Variants in ST7 observed in about 807,000 individuals in gnomAD.
ST7 encodes suppression of tumorigenicity 7.
ST7 carries 28 observed loss-of-function variants against 78.7 expected under a neutral mutation model. The observed-to-expected ratio is 0.36, with a 90% CI of 0.26 to 0.49. ST7 has a LOEUF of 0.49. Ranked by LOEUF, ST7 falls within the 20% of genes least tolerant of loss-of-function variation. The pLI, the probability that ST7 is intolerant of heterozygous loss-of-function variation, is 0.99. For missense variants in ST7, 418 were observed against 696.0 expected, an observed-to-expected ratio of 0.60 and a Z score of 4.49; for synonymous variants, 247 against 249.6, an observed-to-expected ratio of 0.99 and a Z score of 0.10.
intron 1 of ST7, among the ~76,000 whole-genome samples, chr7:117,051,512 A>G (rs993537263): frequency 2.0e-5 from 3 of 152,200 alleles, no homozygotes; most frequent in East Asian, 1.9e-4. Context: ...GCTCATATCC[A>G]TGGTGTGGAA....
intron 1 of ST7, among the ~76,000 whole-genome samples, chr7:117,008,601 C>T (rs1795252101): frequency 3.3e-5 from 5 of 152,148 alleles, no homozygotes; most frequent in Admixed American, 2.0e-4. Context: ...GCATTTATCA[C>T]CAGTTCTAAT....
At chr7:117,038,022 T>A (rs1796991053) in intron 1 of ST7, among the ~76,000 whole-genome samples, 1 of 152,218 alleles carries the variant, frequency 6.6e-6, no homozygotes, top group African/African-American at 2.4e-5. Context: ...GGTAGATGTT[T>A]GACAATAAAA....
chr7:117,017,236 C>T (rs987589906), intron 1 of ST7, among the ~76,000 whole-genome samples: 5 of 152,142 alleles, frequency 3.3e-5, no homozygotes, highest in South Asian at 2.1e-4. Context: ...TCACTTGACA[C>T]GTCACGTGTT....
intron 1 of ST7, among the ~76,000 whole-genome samples, chr7:117,079,539 C>T (rs1372313409): frequency 2.0e-5 from 3 of 152,132 alleles, no homozygotes; most frequent in South Asian, 2.1e-4. Context: ...GGAGGATTTT[C>T]TTCTTGATGT....
intron 9 of ST7, among the ~76,000 whole-genome samples, chr7:117,149,878 C>T (rs962469326): frequency 1.3e-5 from 2 of 151,972 alleles, no homozygotes; most frequent in African/African-American, 4.8e-5. Context: ...TTGTGGTTGC[C>T]CGGGCAACTG....
chr7:117,001,091 G>T (rs1007611299), intron 1 of ST7, among the ~76,000 whole-genome samples: 5 of 152,134 alleles, frequency 3.3e-5, no homozygotes, highest in African/African-American at 7.2e-5. Context: ...TTTGTTTTGA[G>T]CAGCAGCAGT....
At chr7:116,967,466 A>G (rs1375883223) in intron 1 of ST7, 1 of 468,820 alleles carries the variant, frequency 2.1e-6, no homozygotes, top group South Asian at 1.6e-5. Context: ...TCAGTGTCCC[A>G]GAGGCAGGTC....
At chr7:117,113,755 T>C (rs1287863423) in intron 2 of ST7, among the ~76,000 whole-genome samples, 1 of 152,156 alleles carries the variant, frequency 6.6e-6, no homozygotes, top group East Asian at 1.9e-4. Context: ...ATCTGGGAGC[T>C]TGTTTAAAAT....
At chr7:116,990,693 C>T (rs1361603405) in intron 1 of ST7, among the ~76,000 whole-genome samples, 6 of 152,026 alleles carry the variant, frequency 3.9e-5, no homozygotes, top group Non-Finnish European at 8.8e-5. Context: ...TTTCCATGAC[C>T]CTTTAAAATT....
At chr7:117,132,937 A>G (rs1804485121) in intron 6 of ST7, among the ~76,000 whole-genome samples, 1 of 151,876 alleles carries the variant, frequency 6.6e-6, no homozygotes, top group Non-Finnish European at 1.5e-5. Context: ...TGTTCACTCA[A>G]TTACTAAGCC....
intron 1 of ST7, chr7:116,958,638 G>C (rs913592012): frequency 2.1e-6 from 1 of 471,042 alleles, no homozygotes; most frequent in African/African-American, 2.0e-5. Context: ...GAAAAGACAG[G>C]CTTACCTTGG....
At chr7:117,222,870 A>G (rs1423507454) in intron 15 of ST7, 4 of 1,613,956 alleles carry the variant, frequency 2.5e-6, no homozygotes, top group African/African-American at 1.3e-5. Context: ...GATGATTGAC[A>G]TTTTCTGCTC....
At chr7:117,208,902 GGTGTGTGTGTGTGTGTGTGTGTGT>G (rs58017025) in intron 12 of ST7, among the ~76,000 whole-genome samples, 5 of 139,798 alleles carry the variant, frequency 3.6e-5, no homozygotes, top group Non-Finnish European at 6.2e-5. Flanking sequence ...TGTATGTGTG[GGTGTGTGTGTGTGTGTGTGTGTGT>G]GTGTGTGTGT....
intron 3 of ST7, among the ~76,000 whole-genome samples, chr7:117,126,048 G>A (rs1182054698): frequency 6.6e-6 from 1 of 151,826 alleles, no homozygotes; most frequent in Non-Finnish European, 1.5e-5. Flanking sequence ...TAGATAAATC[G>A]AGCTTTAAGC....
At chr7:116,963,487 C>G (rs1204745502) in intron 1 of ST7, among the ~76,000 whole-genome samples, 1 of 152,178 alleles carries the variant, frequency 6.6e-6, no homozygotes, top group Non-Finnish European at 1.5e-5. Flanking sequence ...GCTGTGGTAT[C>G]ACTGTTTAAT....
intron 1 of ST7, among the ~76,000 whole-genome samples, chr7:117,028,014 C>G (rs1345719470): frequency 6.6e-6 from 1 of 152,116 alleles, no homozygotes; most frequent in Non-Finnish European, 1.5e-5. Flanking sequence ...GTTTATCACA[C>G]ATAATGGGTA....
Position 117,019,274 on chromosome 7 carries a change from ACT to A in ST7, c.151+65586_151+65587del, listed in dbSNP as rs1193922218. Among the ~76,000 whole-genome samples, 7 of 152,026 alleles carry A rather than the reference ACT, an allele frequency of 4.6e-5. No individual in the cohort carries two copies. The South Asian group carries it at 8.3e-4, about 18-fold the overall frequency. On this transcript the variant is annotated intron_variant, in intron 1 of 15. Coordinates refer to ENST00000323984, the MANE Select transcript of ST7 (RefSeq NM_001369598.1). ...TTCAGTATTTTAAAAACATAACAAA[ACT>A]CTTTTTTTGGCTTGTGTTGGATAGC...
intron 1 of ST7, among the ~76,000 whole-genome samples, chr7:117,082,411 G>A (rs1242285354): frequency 6.6e-6 from 1 of 152,154 alleles, no homozygotes; most frequent in Non-Finnish European, 1.5e-5. Context: ...GTTACAAAAA[G>A]TAAATCTACC....
At chr7:117,070,453 T>C (rs1243991672) in intron 1 of ST7, among the ~76,000 whole-genome samples, 3 of 152,198 alleles carry the variant, frequency 2.0e-5, no homozygotes, top group African/African-American at 7.2e-5. Flanking sequence ...AGAGTTGTGA[T>C]TTAAAGGGTA....
Sources: gnomAD v4.1 joint callset for allele counts (sites outside exome capture counted in the v4.1 genomes callset) on GRCh38, gnomAD v4.1.1 for gene constraint, MANE v1.5 for transcripts, NCBI Gene and HGNC (gene_info 2026-07-23, HGNC 2026-07-21) for gene names.